Variants in MAML3 observed in about 807,000 individuals in gnomAD.
MAML3 encodes mastermind-like protein 3.
Under a neutral mutation model 101.9 loss-of-function variants are expected in MAML3, and 27 were observed. That is an observed-to-expected ratio of 0.27 (90% CI 0.20 to 0.37). The LOEUF (loss-of-function observed/expected upper bound fraction) is 0.37, where lower values mean the gene tolerates loss of function less well. Among genes scored for constraint, MAML3 ranks in the 10% least tolerant of loss-of-function variants. The pLI is 1.00. For missense variants in MAML3, 1,316 were observed against 1,444.9 expected, an observed-to-expected ratio of 0.91 and a Z score of 1.45; for synonymous variants, 501 against 555.9, an observed-to-expected ratio of 0.90 and a Z score of 1.39.
chr4:139,987,655 G>A (rs182122802), intron 1 of MAML3, among the ~76,000 whole-genome samples: 2 of 152,068 alleles, frequency 1.3e-5, no homozygotes, highest in African/African-American at 4.8e-5. Flanking sequence ...ATGAATCACA[G>A]AGCTGTCAGT....
intron 1 of MAML3, among the ~76,000 whole-genome samples, chr4:140,083,959 CACACACACAGAGAGAGAGAGAGAG>C (rs1444270481): frequency 1.7e-3 from 51 of 29,174 alleles, no homozygotes; most frequent in Admixed American, 4.9e-3. Flanking sequence ...CACACACACA[CACACACACAGAGAGAGAGAGAGAG>C]AGAGAGAGAG....
intron 2 of MAML3, among the ~76,000 whole-genome samples, chr4:139,787,085 C>A (rs1311000986): frequency 6.6e-6 from 1 of 152,324 alleles, no homozygotes; most frequent in South Asian, 2.1e-4. Context: ...TGCCACTGAG[C>A]CTTTTTGTTC....
At chr4:140,041,125 C>T (rs1326811411) in intron 1 of MAML3, among the ~76,000 whole-genome samples, 1 of 151,944 alleles carries the variant, frequency 6.6e-6, no homozygotes, top group African/African-American at 2.4e-5. Context: ...TATTTGATGT[C>T]CAATAATATG....
At chr4:140,056,670 G>T (rs1727354237) in intron 1 of MAML3, among the ~76,000 whole-genome samples, 1 of 151,646 alleles carries the variant, frequency 6.6e-6, no homozygotes, top group African/African-American at 2.4e-5. Context: ...ATTAGCCAGG[G>T]GTGGTGGTGG....
chr4:139,921,068 T>C (rs1036831128), intron 1 of MAML3, among the ~76,000 whole-genome samples: 8 of 151,866 alleles, frequency 5.3e-5, no homozygotes, highest in Non-Finnish European at 1.2e-4. Flanking sequence ...TCCTCATTTT[T>C]CCCCCTCTCC....
chr4:139,965,707 T>A (rs887050313), intron 1 of MAML3, among the ~76,000 whole-genome samples: 8 of 152,224 alleles, frequency 5.3e-5, no homozygotes, highest in Non-Finnish European at 8.8e-5. Context: ...TTAAACTGTG[T>A]TTTTTATATT....
intron 1 of MAML3, among the ~76,000 whole-genome samples, chr4:139,979,548 C>T (rs1734407015): frequency 6.6e-6 from 1 of 152,202 alleles, no homozygotes; most frequent in Non-Finnish European, 1.5e-5. Context: ...CTCAAAACTT[C>T]AGGTGTTGCC....
intron 1 of MAML3, among the ~76,000 whole-genome samples, chr4:140,015,007 T>C (rs1726620079): frequency 6.6e-6 from 1 of 152,070 alleles, no homozygotes; most frequent in African/African-American, 2.4e-5. Context: ...ATTCAAAAAT[T>C]CAAAAAATTT....
chr4:140,077,480 T>G (rs979829045), intron 1 of MAML3, among the ~76,000 whole-genome samples: 1 of 152,112 alleles, frequency 6.6e-6, no homozygotes, highest in Non-Finnish European at 1.5e-5. Context: ...CAACATTGAA[T>G]TTTCGAGCCA....
chr4:140,101,331 CT>C (rs2110996433), intron 1 of MAML3, among the ~76,000 whole-genome samples: 1 of 152,252 alleles, frequency 6.6e-6, no homozygotes, highest in Non-Finnish European at 1.5e-5. Flanking sequence ...GGAAAGTGGC[CT>C]TGTGTAGAAT....
chr4:139,792,359 A>G (rs185103040), intron 2 of MAML3, among the ~76,000 whole-genome samples: 1 of 152,338 alleles, frequency 6.6e-6, no homozygotes, highest in East Asian at 1.9e-4. Flanking sequence ...ACAGAGATTT[A>G]AGCTGATGTC....
At chr4:140,144,517 G>A (rs1411494834) in intron 1 of MAML3, among the ~76,000 whole-genome samples, 1 of 143,036 alleles carries the variant, frequency 7.0e-6, no homozygotes, top group African/African-American at 2.6e-5. Context: ...GTGACAGAGC[G>A]AGACCCTGTC....
intron 2 of MAML3, among the ~76,000 whole-genome samples, chr4:139,810,772 G>A (rs545299738): frequency 6.6e-6 from 1 of 152,294 alleles, no homozygotes; most frequent in Non-Finnish European, 1.5e-5. Flanking sequence ...TGCCTACTGT[G>A]GTAGACACCA....
chr4:140,063,671 A>G (rs1276572006), intron 1 of MAML3, among the ~76,000 whole-genome samples: 1 of 152,162 alleles, frequency 6.6e-6, no homozygotes, highest in African/African-American at 2.4e-5. Context: ...ATTTGCAGAC[A>G]TCATGAAGTT....
intron 2 of MAML3, among the ~76,000 whole-genome samples, chr4:139,885,726 A>G (rs1435768723): frequency 4.7e-5 from 7 of 149,000 alleles, no homozygotes; most frequent in Admixed American, 3.4e-4. Context: ...GATCGAGACC[A>G]TCCTGGCTAA....
rs35213696 is a variant in MAML3 at position 140,063,794 on chromosome 4, TA to T, written c.468+89065del. On this transcript the variant is annotated intron_variant, in intron 1 of 4. Coordinates refer to ENST00000509479, the MANE Select transcript of MAML3 (RefSeq NM_018717.5). Reference sequence around the variant, plus strand: ...TGTTTATTTGTTTGCTTGCTTGCTTTAAAAAAAAAAAGTAAAAGGAAAGATT... The same window carrying T: ...TGTTTATTTGTTTGCTTGCTTGCTTTAAAAAAAAAAGTAAAAGGAAAGATT... Among the ~76,000 whole-genome samples, 758 of 148,782 alleles carry T rather than the reference TA, an allele frequency of 5.1e-3. 3 individuals carry two copies. Among genetic ancestry groups the T allele is most frequent in the African/African-American group, 6.1e-3 (248 of 40,606 alleles).
chr4:140,093,921 C>T (rs559951536), intron 1 of MAML3, among the ~76,000 whole-genome samples: 1 of 152,296 alleles, frequency 6.6e-6, no homozygotes, highest in East Asian at 1.9e-4. Flanking sequence ...TTGTCCTGCT[C>T]ACTGTGCAGC....
At position 139,735,327 on chromosome 4, in the gene MAML3, G is replaced by C. The variant is rs372957392; in HGVS notation, c.2080-4660C>G. ...CTGGGGTTATCTGCCCCCCTCCTCCGACTGACACTGAACTGGTTTCTCATT... is the reference window on the plus strand; with the variant it reads ...CTGGGGTTATCTGCCCCCCTCCTCCCACTGACACTGAACTGGTTTCTCATT... On this transcript the variant is annotated intron_variant, in intron 2 of 4. Transcript: ENST00000509479. This position sits in a 1 kb window ranked among gnomAD's most constrained non-coding sequence, Gnocchi z 5.8. Among the ~76,000 whole-genome samples the C allele has an allele frequency of 6.6e-6, 1 of 152,132 alleles. No individual in the cohort carries two copies. Among genetic ancestry groups the C allele is most frequent in the East Asian group, 1.9e-4 (1 of 5,186 alleles).
At chr4:139,986,600 C>G (rs951273675) in intron 1 of MAML3, among the ~76,000 whole-genome samples, 2 of 150,032 alleles carry the variant, frequency 1.3e-5, no homozygotes, top group African/African-American at 5.0e-5. Context: ...AATATAACCA[C>G]TACACTGTTC....
Sources: allele counts gnomAD v4.1 joint callset (sites outside exome capture counted in the v4.1 genomes callset), GRCh38; gene constraint gnomAD v4.1.1; non-coding constraint Gnocchi (gnomAD v3.1); transcripts MANE v1.5; gene names NCBI Gene and HGNC (gene_info 2026-07-23, HGNC 2026-07-21).